The following HDGFL3 variants were observed in gnomAD, a reference collection of about 807,000 sequenced individuals.
The protein encoded by HDGFL3 is hepatoma-derived growth factor-related protein 3.
Under a neutral mutation model 27.6 loss-of-function variants are expected in HDGFL3, and 6 were observed. The observed-to-expected ratio is 0.22, with a 90% CI of 0.12 to 0.43. The LOEUF (loss-of-function observed/expected upper bound fraction) is 0.43. Among genes scored for constraint, HDGFL3 ranks in the 20% least tolerant of loss-of-function variants. The pLI, the probability that HDGFL3 is intolerant of heterozygous loss-of-function variation, is 1.00. For synonymous variants in HDGFL3, 88 were observed against 88.9 expected (o/e 0.99, Z 0.05); for missense variants, 207 against 250.1 (o/e 0.83, Z 1.16).
At chr15:83,165,794 C>CAAAAAAAAAA (rs57873221) in intron 1 of HDGFL3, among the ~76,000 whole-genome samples, 15 of 13,846 alleles carry the variant, frequency 1.1e-3, no homozygotes, top group African/African-American at 1.6e-3. Flanking sequence ...GAATCCATCT[C>CAAAAAAAAAA]AAAAAAAAAA....
intron 3 of HDGFL3, chr15:83,115,867 C>A (rs532316248): frequency 1.1e-5 from 17 of 1,613,986 alleles, no homozygotes; most frequent in Non-Finnish European, 1.4e-5. Context: ...TTGGATTTAC[C>A]AGCGTGGTGA....
chr15:83,177,824 CAT>C (rs912288275), intron 1 of HDGFL3, among the ~76,000 whole-genome samples: 2 of 152,152 alleles, frequency 1.3e-5, no homozygotes, highest in African/African-American at 4.8e-5. Context: ...ACAACAATTT[CAT>C]ATGACATAAT....
Position 83,139,279 on chromosome 15 carries a change from T to TA in HDGFL3, c.607-5dup, listed in dbSNP as rs746488383. 0.084 allele frequency: 98,710 copies of TA among 1,175,318 alleles called. No homozygotes were observed. Among genetic ancestry groups the TA allele is most frequent in the Non-Finnish European group, 0.091 (79,643 of 878,972 alleles). The allele number at this position is 1,175,318 out of a possible 1,614,324, so 72.8% of individuals were successfully genotyped here. A position where few individuals can be genotyped will look rare whatever the true frequency, so the allele number is the denominator to read the frequency against. ...GCATTCATTATGGTAGTTAGGTCTGTAAAAAAAAAAAAAAGAAAGAAAACA... is the reference window on the plus strand; with the variant it reads ...GCATTCATTATGGTAGTTAGGTCTGTAAAAAAAAAAAAAAAGAAAGAAAACA... On this transcript the variant is annotated splice_polypyrimidine_tract_variant and splice_region_variant and intron_variant, in intron 5 of 5. Transcript: ENST00000299633.
intron 1 of HDGFL3, among the ~76,000 whole-genome samples, chr15:83,166,638 G>C (rs2037175197): frequency 6.6e-6 from 1 of 152,178 alleles, no homozygotes; most frequent in Non-Finnish European, 1.5e-5. Flanking sequence ...AAGAACAGAG[G>C]TTTAACTGGC....
chr15:83,145,897 C>CTTTTTTTTTTTT (rs3082058), intron 5 of HDGFL3, among the ~76,000 whole-genome samples: 2 of 49,436 alleles, frequency 4.0e-5, no homozygotes, highest in African/African-American at 8.1e-5. Context: ...TTTCTTCTTC[C>CTTTTTTTTTTTT]TTTTTTTTTT....
rs1326895383 is a variant in HDGFL3 at position 83,136,181 on chromosome 15, A to G, written c.*3089T>C. The G allele has an allele frequency of 4.2e-6, 1 of 239,966 alleles. No individual in the cohort carries two copies. Among genetic ancestry groups the G allele is most frequent in the East Asian group, 8.1e-5 (1 of 12,278 alleles). 14.9% of individuals were successfully genotyped at this position (239,966 alleles called of 1,614,324 possible). On this transcript the variant is annotated 3_prime_UTR_variant, in exon 6 of 6. Transcript: ENST00000299633. ...GATTTTTCTATTAGATTGAGCCACT[A>G]ATGTTCGGTAAGGGGCACTTGATGG...
chr15:83,146,035 C>T (rs1036048015), intron 5 of HDGFL3, among the ~76,000 whole-genome samples: 10 of 149,502 alleles, frequency 6.7e-5, no homozygotes, highest in South Asian at 6.5e-4. Flanking sequence ...CTCAGCCTCC[C>T]GAGTACCTGT....
In HDGFL3 at chr15:83,134,453, C is replaced by T. The variant is rs932769732; in HGVS notation, c.*4817G>A. On this transcript the variant is annotated 3_prime_UTR_variant, in exon 6 of 6. Transcript: ENST00000299633. ...GGCCAGGCTCGTCTTGAACTCCTGACCTCAGGTGATCCACCCGCCTTGGCC... is the reference window on the plus strand; with the variant it reads ...GGCCAGGCTCGTCTTGAACTCCTGATCTCAGGTGATCCACCCGCCTTGGCC... 2.6e-5 allele frequency: 4 copies of T among 152,226 alleles called. No individual in the cohort carries two copies. Among genetic ancestry groups the T allele is most frequent in the Admixed American group, 1.3e-4 (2 of 15,278 alleles). 9.4% of individuals were successfully genotyped at this position (152,226 alleles called of 1,614,324 possible). A position where few individuals can be genotyped will look rare whatever the true frequency, so the allele number is the denominator to read the frequency against.
intron 1 of HDGFL3, among the ~76,000 whole-genome samples, chr15:83,177,430 T>C (rs190575251): frequency 6.6e-6 from 1 of 152,326 alleles, no homozygotes; most frequent in East Asian, 1.9e-4. Flanking sequence ...TTATATAAGG[T>C]CCACTGTTAA....
rs578204229 is a variant in HDGFL3 at position 83,139,001 on chromosome 15, C to T, written c.*269G>A. 5.4e-5 allele frequency: 15 copies of T among 277,914 alleles called. No homozygotes were observed. The highest frequency in any genetic ancestry group is 2.2e-4 in the East Asian group (4 of 18,066). 17.2% of individuals were successfully genotyped at this position (277,914 alleles called of 1,614,324 possible). A position where few individuals can be genotyped will look rare whatever the true frequency, so the allele number is the denominator to read the frequency against. ...AGGATCCTAGACATGTATAAGTCTG[C>T]GCAAAAATCTTGATAATCCTTAGTG... On this transcript the variant is annotated 3_prime_UTR_variant, in exon 6 of 6. Transcript: ENST00000299633.
intron 3 of HDGFL3, chr15:83,119,730 A>T: frequency 6.2e-7 from 1 of 1,611,760 alleles, no homozygotes; most frequent in Non-Finnish European, 8.5e-7. Context: ...GCAACCGATA[A>T]GCGGGTATGT....
At chr15:83,178,987 T>C (rs1233888559) in intron 1 of HDGFL3, among the ~76,000 whole-genome samples, 1 of 152,170 alleles carries the variant, frequency 6.6e-6, no homozygotes, top group Non-Finnish European at 1.5e-5. Context: ...TTATCTCCTA[T>C]AGATAAAGAC....
chr15:83,193,259 T>C (rs1016852637), intron 1 of HDGFL3, among the ~76,000 whole-genome samples: 4 of 152,082 alleles, frequency 2.6e-5, no homozygotes, highest in Non-Finnish European at 5.9e-5. Context: ...TTTTTGCTGA[T>C]TAAAAAATGG....
downstream of HDGFL3, chr15:83,124,904 A>T: frequency 1.2e-6 from 1 of 801,074 alleles, no homozygotes; most frequent in Non-Finnish European, 2.0e-6. Context: ...CATTCCTCCC[A>T]TCAAAGCCTG....
intron 1 of HDGFL3, 54 bp from the exon 2 acceptor site, chr15:83,164,129 AG>A: frequency 2.3e-5 from 24 of 1,043,412 alleles, no homozygotes; most frequent in Non-Finnish European, 3.4e-5. Flanking sequence ...ATACAATGTG[AG>A]CATTGTTCTG....
chr15:83,151,112 C>T, intron 5 of HDGFL3, 103 bp downstream of exon 5: 1 of 1,065,332 alleles, frequency 9.4e-7, no homozygotes, highest in Non-Finnish European at 1.4e-6. Context: ...GAATACTTCT[C>T]CATTTATCAA....
At chr15:83,203,588 C>A (rs967335352) in intron 1 of HDGFL3, among the ~76,000 whole-genome samples, 3 of 151,970 alleles carry the variant, frequency 2.0e-5, no homozygotes, top group African/African-American at 4.8e-5. Context: ...CACTTCTATT[C>A]TAGAAAATCT....
rs1346044007 is a variant in HDGFL3 at position 83,130,271 on chromosome 15, C to T, written c.*8999G>A. ...CTTAGAGGAAAATGGGTGTGGTAAG[C>T]CTGTAGCAATAAGACAAACCCTAAT... On this transcript the variant is annotated 3_prime_UTR_variant, in exon 6 of 6. Coordinates refer to ENST00000299633, the MANE Select transcript of HDGFL3 (RefSeq NM_016073.4). The T allele has an allele frequency of 6.6e-6, 1 of 152,284 alleles. No individual in the cohort carries two copies. The highest frequency in any genetic ancestry group is 1.9e-4 in the East Asian group (1 of 5,202). 9.4% of individuals were successfully genotyped at this position (152,284 alleles called of 1,614,324 possible).
downstream of HDGFL3, among the ~76,000 whole-genome samples, chr15:83,125,833 AAG>A (rs2151373927): frequency 6.6e-6 from 1 of 152,280 alleles, no homozygotes; most frequent in African/African-American, 2.4e-5. Context: ...AAGCTGTTTT[AAG>A]AGTTATCTTT....
Sources: gnomAD v4.1 joint callset for allele counts (sites outside exome capture counted in the v4.1 genomes callset) on GRCh38, gnomAD v4.1.1 for gene constraint, MANE v1.5 for transcripts, NCBI Gene and HGNC (gene_info 2026-07-23, HGNC 2026-07-21) for gene names.